Variants in EVA1B observed in about 807,000 individuals in gnomAD.
EVA1B encodes protein eva-1 homolog B.
A neutral mutation model predicts 4.6 loss-of-function variants in EVA1B; 2 were observed. That is an observed-to-expected ratio of 0.43 (90% confidence interval 0.18 to 1.37). EVA1B has a LOEUF of 1.37. EVA1B is among the 40% of genes most tolerant of loss of function. The pLI is 0.28. For missense variants in EVA1B, 263 were observed against 240.4 expected, an observed-to-expected ratio of 1.09 and a Z score of -0.62; for synonymous variants, 124 against 115.8, an observed-to-expected ratio of 1.07 and a Z score of -0.46.
chr1:36,322,411 G>T lies in EVA1B; in HGVS notation c.382C>A (p.Arg128Ser). The T allele has an allele frequency of 6.2e-7, 1 of 1,600,900 alleles. No individual in the cohort carries two copies. Among genetic ancestry groups the T allele is most frequent in the Non-Finnish European group, 8.5e-7 (1 of 1,179,210 alleles). ...CAGATCTCCCGCAGGATCCGTTCGC[G>T]CTCCTCCAGCCGCTGCGCCCGCTCC... Reference protein sequence around the residue: ...ELERAQRLEERERILREIWRT... With the variant: ...ELERAQRLEESERILREIWRT... The change falls in exon 3 of 3, where the codon CGC (arginine) becomes AGC (serine). Residue 128 changes from arginine to serine, a missense_variant. By Grantham distance (110) the Arg-to-Ser change is moderately radical. Coordinates refer to ENST00000490466, the MANE Select transcript of EVA1B (RefSeq NM_001304762.2).
Position 36,322,998 on chromosome 1 carries a change from T to C in EVA1B, c.40A>G (p.Ser14Gly), listed in dbSNP as rs1364832425. 1.2e-6 allele frequency: 2 copies of C among 1,605,586 alleles called. No individual in the cohort carries two copies. The highest frequency in any genetic ancestry group is 1.7e-6 in the Non-Finnish European group (2 of 1,177,312). Residue 14 changes from serine to glycine, a missense_variant, in exon 2 of 3, where the codon AGC becomes GGC. Transcript: ENST00000490466. ...CGGATGTGCGCGTAGGCAGCCAGGC[T>C]GTTGCTGAGCAACTCCATGTCCCTT... ...PRRDMELLSN[S>G]LAAYAHIRAN... is the part of the protein sequence containing the mutation.
At chr1:36,323,140 C>T (rs1646496836) in intron 1 of EVA1B, 73 bp from the exon 2 acceptor site, 5 of 1,304,612 alleles carry the variant, frequency 3.8e-6, no homozygotes, top group Non-Finnish European at 4.2e-6. Context: ...GGCAGCTCCT[C>T]TCCCGGGAGC....
rs201954279 is a variant in EVA1B, at chr1:36,322,553, C to G, written c.240G>C (p.Glu80Asp). 2 of 1,596,368 alleles carry G rather than the reference C, an allele frequency of 1.3e-6. No individual in the cohort carries two copies. The highest frequency in any genetic ancestry group is 1.7e-5 in the Admixed American group (1 of 58,558). The change falls in exon 3 of 3, where the codon GAG becomes GAC. Residue 80 changes from glutamate to aspartate, a missense_variant. Glu to Asp is a conservative substitution (Grantham distance 45). Transcript: ENST00000490466. ...SSTLEPEDDD[E>D]DEEDTVTRLG... ...GCCGAGTCACCGTGTCCTCCTCGTC[C>G]TCGTCGTCGTCCTCGGGCTCCAGGG...
At chr1:36,323,333 G>A (rs1646500695) in intron 1 of EVA1B, 126 bp downstream of exon 1, 2 of 380,344 alleles carry the variant, frequency 5.3e-6, no homozygotes, top group Non-Finnish European at 9.5e-6. Flanking sequence ...CCGCCGTCCC[G>A]GGGCGGGATG....
In EVA1B at chr1:36,322,682, G is replaced by A; in HGVS notation, c.111C>T (p.Cys37=). ...SFGLYFVLGV[C]FGLLLTLCLL... ...GGCAGAGGGTGAGCAGCAGGCCGAA[G>A]CAGACGCCCAGCACGAAGTAGAGGC... Residue 37 remains cysteine, a synonymous_variant, in exon 3 of 3, where the codon TGC becomes TGT. Coordinates refer to ENST00000490466, the MANE Select transcript of EVA1B (RefSeq NM_001304762.2). 3 of 1,547,550 alleles carry A rather than the reference G, an allele frequency of 1.9e-6. No homozygotes were observed. The highest frequency in any genetic ancestry group is 2.6e-6 in the Non-Finnish European group (3 of 1,146,838).
Position 36,322,401 on chromosome 1 carries a change from A to T in EVA1B, c.392T>A (p.Ile131Asn), listed in dbSNP as rs1406532998. 5 of 1,599,566 alleles carry T rather than the reference A, an allele frequency of 3.1e-6. No individual in the cohort carries two copies. The highest frequency in any genetic ancestry group is 4.2e-6 in the Non-Finnish European group (5 of 1,178,998). Residue 131 changes from isoleucine (I) to asparagine (N), a missense_variant, in exon 3 of 3, where the codon ATC becomes AAC. Transcript: ENST00000490466. ...CCCGGTGCGCCAGATCTCCCGCAGGATCCGTTCGCGCTCCTCCAGCCGCTG... is the reference window on the plus strand; with the variant it reads ...CCCGGTGCGCCAGATCTCCCGCAGGTTCCGTTCGCGCTCCTCCAGCCGCTG... Reference protein sequence around the residue: ...RAQRLEERERILREIWRTGQP... With the variant: ...RAQRLEERERNLREIWRTGQP...
chr1:36,322,816 G>A (rs910288595), intron 2 of EVA1B, 91 bp from the exon 3 acceptor site: 60 of 1,487,500 alleles, frequency 4.0e-5, no homozygotes, highest in Middle Eastern at 4.4e-4. Context: ...GTGTGGGGGC[G>A]AGGCCTGTAA....
In EVA1B at chr1:36,322,393, C is replaced by T. The variant is rs1646479350; in HGVS notation, c.400G>A (p.Glu134Lys). ...TCCGGCTGCCCGGTGCGCCAGATCT[C>T]CCGCAGGATCCGTTCGCGCTCCTCC... is the stretch of plus-strand genomic sequence containing the variant. ...RLEERERILR[E>K]IWRTGQPDLL... The change falls in exon 3 of 3, where the codon GAG (glutamate) becomes AAG (lysine). Residue 134 changes from glutamate to lysine, a missense_variant. Coordinates refer to ENST00000490466, the MANE Select transcript of EVA1B (RefSeq NM_001304762.2). The T allele has an allele frequency of 5.0e-6, 8 of 1,598,014 alleles. No homozygotes were observed. Among genetic ancestry groups the T allele is most frequent in the Non-Finnish European group, 6.8e-6 (8 of 1,178,604 alleles).
chr1:36,322,155 G>A lies in EVA1B; in HGVS notation c.*140C>T, dbSNP rs1018753462. On this transcript the variant is annotated 3_prime_UTR_variant, in exon 3 of 3. Coordinates refer to ENST00000490466, the MANE Select transcript of EVA1B (RefSeq NM_001304762.2). ...GGTCTTCTGGCAGGACTGGGGAAGG[G>A]AGCCTCTCAGGGGGTGGCGGTCCAC... 2.9e-5 allele frequency: 39 copies of A among 1,353,240 alleles called. No homozygotes were observed. In the East Asian group the frequency reaches 1.1e-3, roughly 38 times the overall value. The allele number at this position is 1,353,240 out of a possible 1,614,324, so 83.8% of individuals were successfully genotyped here. A position where few individuals can be genotyped will look rare whatever the true frequency, so the allele number is the denominator to read the frequency against.
Position 36,322,992 on chromosome 1 carries a change from C to T in EVA1B, c.46G>A (p.Ala16Thr). ...RDMELLSNSL[A>T]AYAHIRANPE... ...TCACCGCGGATGTGCGCGTAGGCAGCCAGGCTGTTGCTGAGCAACTCCATG... is the reference window on the plus strand; with the variant it reads ...TCACCGCGGATGTGCGCGTAGGCAGTCAGGCTGTTGCTGAGCAACTCCATG... Residue 16 changes from alanine to threonine, a missense_variant, in exon 2 of 3, where the codon GCT becomes ACT. Transcript: ENST00000490466. 6.2e-7 allele frequency: 1 copy of T among 1,605,696 alleles called. No individual in the cohort carries two copies. The highest frequency in any genetic ancestry group is 8.5e-7 in the Non-Finnish European group (1 of 1,177,200).
chr1:36,324,076 C>G (rs1646515685), upstream of EVA1B: 1 of 152,320 alleles, frequency 6.6e-6, no homozygotes, highest in Non-Finnish European at 1.5e-5. Flanking sequence ...CCAGGCAAAG[C>G]TGCTTCTCTT....
At position 36,322,459 on chromosome 1, in the gene EVA1B, C is replaced by T. The variant is rs1315018768; in HGVS notation, c.334G>A (p.Val112Ile). 6.2e-7 allele frequency: 1 copy of T among 1,604,848 alleles called. No homozygotes were observed. Among genetic ancestry groups the T allele is most frequent in the South Asian group, 1.1e-5 (1 of 91,010 alleles). The change falls in exon 3 of 3, where the codon GTC (valine) becomes ATC (isoleucine). Residue 112 changes from valine (V) to isoleucine (I), a missense_variant. Transcript: ENST00000490466. ...TCCAGCTCCTCCGCCGACGTGAAGA[C>T]GTTGACGTTGAGGGGCCCGTCCGGC... ...AEPDGPLNVNVFTSAEELERA... is the reference protein window; with the variant it reads ...AEPDGPLNVNIFTSAEELERA...
In EVA1B at chr1:36,322,993, C is replaced by G. The variant is rs763603454; in HGVS notation, c.45G>C (p.Leu15=). ...CACCGCGGATGTGCGCGTAGGCAGC[C>G]AGGCTGTTGCTGAGCAACTCCATGT... The part of the protein sequence containing the change: ...RRDMELLSNS[L]AAYAHIRANP... The change falls in exon 2 of 3, where the codon CTG becomes CTC. Residue 15 remains leucine, a synonymous_variant. Coordinates refer to ENST00000490466, the MANE Select transcript of EVA1B (RefSeq NM_001304762.2). The G allele has an allele frequency of 2.5e-6, 4 of 1,605,520 alleles. No individual in the cohort carries two copies. Among genetic ancestry groups the G allele is most frequent in the African/African-American group, 1.3e-5 (1 of 74,392 alleles).
intron 1 of EVA1B, 68 bp from the exon 2 acceptor site, chr1:36,323,135 C>CCT: frequency 7.3e-7 from 1 of 1,373,440 alleles, no homozygotes; most frequent in Admixed American, 2.7e-5. Context: ...CCGCGGGCAG[C>CCT]TCCTCTCCCG....
rs1323267919 is a variant in EVA1B, at chr1:36,323,634, C to T, written c.-206G>A. 2.0e-5 allele frequency: 3 copies of T among 151,990 alleles called. No homozygotes were observed. Among genetic ancestry groups the T allele is most frequent in the Non-Finnish European group, 4.4e-5 (3 of 67,934 alleles). The allele number at this position is 151,990 out of a possible 1,614,324, so 9.4% of individuals were successfully genotyped here. On this transcript the variant is annotated 5_prime_UTR_variant, in exon 1 of 3. Coordinates refer to ENST00000490466, the MANE Select transcript of EVA1B (RefSeq NM_001304762.2). ...GGGACCAGCCGGCGGAAAGTTTCCT[C>T]CGAGGAAAGAGGAGGGACGGGGCGG... is the stretch of plus-strand genomic sequence containing the variant.
In EVA1B at chr1:36,322,623, G is replaced by T; in HGVS notation, c.170C>A (p.Pro57Gln). 6.5e-7 allele frequency: 1 copy of T among 1,546,034 alleles called. No individual in the cohort carries two copies. Residue 57 changes from proline (P) to glutamine (Q), a missense_variant, in exon 3 of 3, where the codon CCG (proline) becomes CAG (glutamine). Physicochemically the swap from Pro to Gln is moderately conservative, Grantham distance 76 (BLOSUM62 -1). Coordinates refer to ENST00000490466, the MANE Select transcript of EVA1B (RefSeq NM_001304762.2). ...LVISISWAPR[P>Q]RPRGPAQRRD... ...GCGCTGAGCCGGGCCCCGGGGCCGC[G>T]GGCGGGGCGCCCACGAGATGCTGAT...
In EVA1B at chr1:36,322,701, T is replaced by C; in HGVS notation, c.92A>G (p.Tyr31Cys). The change falls in exon 3 of 3, where the codon TAC becomes TGC. Residue 31 changes from tyrosine (Y) to cysteine (C), a missense_variant. Transcript: ENST00000490466. ...GCCGAAGCAGACGCCCAGCACGAAGTAGAGGCCGAAGCTCTCGGGGTTGGC... is the reference window on the plus strand; with the variant it reads ...GCCGAAGCAGACGCCCAGCACGAAGCAGAGGCCGAAGCTCTCGGGGTTGGC... ...IRANPESFGL[Y>C]FVLGVCFGLL... The C allele has an allele frequency of 6.5e-7, 1 of 1,546,306 alleles. No homozygotes were observed.
At chr1:36,323,768 A>C (rs559272229), upstream of EVA1B, 2 of 151,454 alleles carry the variant, frequency 1.3e-5, no homozygotes, top group African/African-American at 4.9e-5. Context: ...CGTCCCCCAC[A>C]GGAAACCGCC....
At chr1:36,323,326 C>T (rs1646500453) in intron 1 of EVA1B, 133 bp downstream of exon 1, 1 of 394,364 alleles carries the variant, frequency 2.5e-6, no homozygotes, top group Non-Finnish European at 4.5e-6. Flanking sequence ...CCCGGTTCCG[C>T]CGTCCCGGGG....
Sources: gnomAD v4.1 joint callset for allele counts on GRCh38, gnomAD v4.1.1 for gene constraint, MANE v1.5 for transcripts, NCBI Gene and HGNC (gene_info 2026-07-23, HGNC 2026-07-21) for gene names.